Variants in XCR1 observed in about 807,000 individuals in gnomAD.
XCR1 encodes X-C motif chemokine receptor 1.
For synonymous variants in XCR1, 187 were observed against 188.5 expected (o/e 0.99, Z 0.06); for missense variants, 356 against 424.2 (o/e 0.84, Z 1.41).
In XCR1 at chr3:46,021,261, G is replaced by A. The variant is rs919162419; in HGVS notation, c.687C>T (p.Ala229=). 1.9e-6 allele frequency: 3 copies of A among 1,614,220 alleles called. No homozygotes were observed. Among genetic ancestry groups the A allele is most frequent in the Non-Finnish European group, 2.5e-6 (3 of 1,180,044 alleles). The part of the protein sequence containing the change: ...RRHRTVKLIF[A]IVVAYFLSWG... ...AGCTGAGGAAGTAGGCCACCACGAT[G>A]GCGAAGATGAGCTTGACCGTGCGGT... The change falls in exon 2 of 2, where the codon GCC becomes GCT. Residue 229 remains alanine, a synonymous_variant. Coordinates refer to ENST00000309285, the MANE Select transcript of XCR1 (RefSeq NM_001024644.2). This position sits in a 1 kb window ranked among gnomAD's most constrained non-coding sequence, Gnocchi z 4.7.
chr3:46,057,484 G>T (rs4683172), intron 4 of XCR1, among the ~76,000 whole-genome samples: 112,070 of 152,070 alleles, frequency 0.74, 41,681 homozygotes, highest in East Asian at 0.99. Flanking sequence ...ACTTTAAATA[G>T]GTGCAGTTTA....
chr3:46,060,706 A>G (rs1174930465), intron 4 of XCR1, among the ~76,000 whole-genome samples: 1 of 152,206 alleles, frequency 6.6e-6, no homozygotes, highest in Non-Finnish European at 1.5e-5. Flanking sequence ...TGCCACTCCC[A>G]TTTCTATCTC....
At position 46,021,900 on chromosome 3, in the gene XCR1, G is replaced by C. The variant is rs1708162360; in HGVS notation, c.48C>G (p.Asp16Glu). 2 of 1,613,876 alleles carry C rather than the reference G, an allele frequency of 1.2e-6. No homozygotes were observed. The highest frequency in any genetic ancestry group is 2.7e-5 in the African/African-American group (2 of 74,990). Reference sequence around the variant, plus strand: ...GGTTCTCACACGGCTGGCTCTGAAGGTCATAGTAAAAAAAGGTGGTGCTCT... The same window carrying C: ...GGTTCTCACACGGCTGGCTCTGAAGCTCATAGTAAAAAAAGGTGGTGCTCT... ...NPESTTFFYY[D>E]LQSQPCENQA... is the part of the protein sequence containing the mutation. The change falls in exon 2 of 2, where the codon GAC (aspartate) becomes GAG (glutamate). Residue 16 changes from aspartate to glutamate, a missense_variant. By Grantham distance (45) the Asp-to-Glu change is conservative. Coordinates refer to ENST00000309285, the MANE Select transcript of XCR1 (RefSeq NM_001024644.2). This position sits in a 1 kb window ranked among gnomAD's most constrained non-coding sequence, Gnocchi z 4.7.
At chr3:46,058,022 A>T (rs965949655) in intron 4 of XCR1, among the ~76,000 whole-genome samples, 1 of 152,012 alleles carries the variant, frequency 6.6e-6, no homozygotes, top group Non-Finnish European at 1.5e-5. Context: ...ATCCTACTGG[A>T]TATCCTACTG....
At chr3:46,080,184 CAA>C (rs202215316) in intron 1 of XCR1, among the ~76,000 whole-genome samples, 14 of 131,966 alleles carry the variant, frequency 1.1e-4, no homozygotes, top group Non-Finnish European at 1.0e-4. Context: ...GTCCTTGTCT[CAA>C]AAAAAAAAAA....
At chr3:46,023,400 A>G (rs1391040842) in intron 1 of XCR1, 1 of 1,470,526 alleles carries the variant, frequency 6.8e-7, no homozygotes, top group Non-Finnish European at 9.5e-7. Flanking sequence ...CTTGTCACAA[A>G]AAGGCTGCGG....
rs1426904770 is a variant in XCR1, at chr3:46,020,744, T to C, written c.*202A>G. Reference sequence around the variant, plus strand: ...GTTTTTTTGGATGGCAGTATAAAATTCCCAGGTAGGAAGCCACTTTCCCGC... The same window carrying C: ...GTTTTTTTGGATGGCAGTATAAAATCCCCAGGTAGGAAGCCACTTTCCCGC... On this transcript the variant is annotated 3_prime_UTR_variant, in exon 2 of 2. Coordinates refer to ENST00000309285, the MANE Select transcript of XCR1 (RefSeq NM_001024644.2). 6 of 667,500 alleles carry C rather than the reference T, an allele frequency of 9.0e-6. No individual in the cohort carries two copies. Among genetic ancestry groups the C allele is most frequent in the Non-Finnish European group, 1.5e-5 (6 of 409,966 alleles). 41.3% of individuals were successfully genotyped at this position (667,500 alleles called of 1,614,324 possible).
Position 46,019,053 on chromosome 3 carries a change from T to C in XCR1, c.*1893A>G, listed in dbSNP as rs1226961505. 6.6e-6 allele frequency: 1 copy of C among 152,082 alleles called. No individual in the cohort carries two copies. Among genetic ancestry groups the C allele is most frequent in the Non-Finnish European group, 1.5e-5 (1 of 68,008 alleles). The allele number at this position is 152,082 out of a possible 1,614,324, so 9.4% of individuals were successfully genotyped here. On this transcript the variant is annotated 3_prime_UTR_variant, in exon 2 of 2. Transcript: ENST00000309285. ...AGTGGCTTTTATTTATGCCCTTGGG[T>C]GTGAAGCAATGGGCCAGTGTGAGAG...
chr3:46,064,654 G>A lies in XCR1; in HGVS notation c.-183+2245C>T, dbSNP rs543195797. ...GCTCTGACCACCACTTTCGAAGTGCGACACATGAAGCCACCATGCTGGTGA... is the reference window on the plus strand; with the variant it reads ...GCTCTGACCACCACTTTCGAAGTGCAACACATGAAGCCACCATGCTGGTGA... On this transcript the variant is annotated intron_variant, in intron 4 of 5. Transcript: ENST00000683768. Among the ~76,000 whole-genome samples, 11 of 152,296 alleles carry A rather than the reference G, an allele frequency of 7.2e-5. No individual in the cohort carries two copies. In the East Asian group the frequency reaches 7.7e-4, roughly 11 times the overall value.
chr3:46,065,469 G>A (rs550092583), intron 4 of XCR1, among the ~76,000 whole-genome samples: 12 of 152,194 alleles, frequency 7.9e-5, no homozygotes, highest in Admixed American at 1.3e-4. Context: ...AACAAGCTCC[G>A]GCAGCTGAGC....
At chr3:46,053,233 C>G (rs1187958066) in intron 5 of XCR1, among the ~76,000 whole-genome samples, 1 of 152,018 alleles carries the variant, frequency 6.6e-6, no homozygotes, top group Non-Finnish European at 1.5e-5. Flanking sequence ...TTACCACACT[C>G]GCTTTTAATT....
intron 5 of XCR1, among the ~76,000 whole-genome samples, chr3:46,042,565 G>T (rs1344676199): frequency 6.6e-6 from 1 of 151,960 alleles, no homozygotes; most frequent in Non-Finnish European, 1.5e-5. Flanking sequence ...CAACAAATTG[G>T]GTAACTGATA....
chr3:46,072,105 G>C (rs1698173521), intron 3 of XCR1, among the ~76,000 whole-genome samples: 1 of 152,104 alleles, frequency 6.6e-6, no homozygotes, highest in South Asian at 2.1e-4. Flanking sequence ...AAAGTTTCAG[G>C]ATACAAAATC....
intron 5 of XCR1, among the ~76,000 whole-genome samples, chr3:46,036,513 C>T (rs1697433830): frequency 1.3e-5 from 2 of 151,892 alleles, no homozygotes; most frequent in African/African-American, 4.8e-5. Context: ...ATTAAGTAAG[C>T]CCAAAGTATT....
intron 1 of XCR1, chr3:46,023,545 T>G: frequency 6.5e-7 from 1 of 1,539,962 alleles, no homozygotes; most frequent in East Asian, 2.2e-5. Context: ...TGAGGAAAGA[T>G]TGAAAGCCTA....
At chr3:46,070,944 A>C (rs1333096564) in intron 3 of XCR1, among the ~76,000 whole-genome samples, 1 of 151,260 alleles carries the variant, frequency 6.6e-6, no homozygotes, top group African/African-American at 2.4e-5. Flanking sequence ...GTTTTATGAA[A>C]CCTGTGAGTT....
chr3:46,069,193 G>T (rs1318140199), intron 3 of XCR1, among the ~76,000 whole-genome samples: 1 of 151,070 alleles, frequency 6.6e-6, no homozygotes, highest in East Asian at 1.9e-4. Context: ...CTTATCTCAA[G>T]AATCTACAAA....
intron 1 of XCR1, among the ~76,000 whole-genome samples, chr3:46,080,123 C>G (rs1698331325): frequency 6.7e-6 from 1 of 150,066 alleles, no homozygotes; most frequent in Admixed American, 6.7e-5. Flanking sequence ...TGCTAGCCTC[C>G]AAGATCACCT....
chr3:46,072,334 C>T (rs976350353), intron 3 of XCR1, among the ~76,000 whole-genome samples: 1 of 152,078 alleles, frequency 6.6e-6, no homozygotes, highest in African/African-American at 2.4e-5. Context: ...GCCTGGGCAA[C>T]ATGGTGAAAT....
Sources: gnomAD v4.1 joint callset for allele counts (sites outside exome capture counted in the v4.1 genomes callset) on GRCh38, gnomAD v4.1.1 for gene constraint, Gnocchi (gnomAD v3.1) non-coding constraint, MANE v1.5 for transcripts, NCBI Gene and HGNC (gene_info 2026-07-23, HGNC 2026-07-21) for gene names.